TAFA2: variants seen among roughly 807,000 people sequenced by gnomAD.
TAFA2 encodes the protein chemokine-like protein TAFA-2.
In TAFA2, 7 loss-of-function variants were observed where a neutral mutation model predicts 18.8. The observed-to-expected ratio is 0.37, with a 90% confidence interval of 0.21 to 0.70. The LOEUF is 0.70. TAFA2 is among the 30% of genes least tolerant of loss of function. TAFA2 has a pLI of 0.53. For synonymous variants in TAFA2, 60 were observed against 54.2 expected (o/e 1.11, Z -0.47); for missense variants, 122 against 158.1 (o/e 0.77, Z 1.23).
At chr12:62,215,108 A>G (rs948904155) in intron 1 of TAFA2, among the ~76,000 whole-genome samples, 8 of 152,228 alleles carry the variant, frequency 5.3e-5, no homozygotes, top group Admixed American at 3.3e-4. Flanking sequence ...CTTTTGCACA[A>G]GCTATCTCTG....
intron 1 of TAFA2, among the ~76,000 whole-genome samples, chr12:61,940,146 T>C (rs867181290): frequency 6.6e-6 from 1 of 152,174 alleles, no homozygotes; most frequent in African/African-American, 2.4e-5. Flanking sequence ...TATGGGAAGA[T>C]AGATAATAAA....
At position 62,127,356 on chromosome 12, in the gene TAFA2, C is replaced by A. The variant is rs539125816; in HGVS notation, c.-2+63903G>T. Reference sequence around the variant, plus strand: ...CCTAAGTCTTTCCTTTCTCCATTGGCAGGTATAATAAACCTTTATTTTTTG... The same window carrying A: ...CCTAAGTCTTTCCTTTCTCCATTGGAAGGTATAATAAACCTTTATTTTTTG... On this transcript the variant is annotated intron_variant, in intron 1 of 4. Transcript: ENST00000416284. Among the ~76,000 whole-genome samples the A allele has an allele frequency of 7.2e-5, 11 of 152,092 alleles. No individual in the cohort carries two copies. In the South Asian group the frequency reaches 2.3e-3, roughly 32 times the overall value.
intron 1 of TAFA2, among the ~76,000 whole-genome samples, chr12:62,174,643 A>C (rs958859768): frequency 3.3e-5 from 5 of 152,150 alleles, no homozygotes; most frequent in Non-Finnish European, 7.3e-5. Flanking sequence ...GGTCCATCTA[A>C]AATTTGAATG....
At chr12:62,029,030 A>G (rs1375254999) in intron 1 of TAFA2, among the ~76,000 whole-genome samples, 1 of 152,210 alleles carries the variant, frequency 6.6e-6, no homozygotes, top group Non-Finnish European at 1.5e-5. Flanking sequence ...TAGAAAATTT[A>G]TAAAGAGATT....
intron 1 of TAFA2, among the ~76,000 whole-genome samples, chr12:61,921,432 G>T (rs1391100299): frequency 6.6e-6 from 1 of 152,150 alleles, no homozygotes; most frequent in African/African-American, 2.4e-5. Flanking sequence ...ATTCAAGGAG[G>T]ACCTTAAAAT....
intron 2 of TAFA2, among the ~76,000 whole-genome samples, chr12:61,781,494 G>A (rs528313141): frequency 8.6e-5 from 13 of 151,776 alleles, no homozygotes; most frequent in East Asian, 3.9e-4. Flanking sequence ...GCATATCACC[G>A]TACTTGAAAT....
chr12:61,991,147 A>G (rs115652513), intron 1 of TAFA2, among the ~76,000 whole-genome samples: 1,760 of 152,306 alleles, frequency 0.012, 31 homozygotes, highest in African/African-American at 0.04. Context: ...GCTGTTGCCT[A>G]GGAAAAGTTG....
intron 1 of TAFA2, among the ~76,000 whole-genome samples, chr12:61,883,533 G>A (rs990355834): frequency 2.6e-5 from 4 of 152,186 alleles, no homozygotes; most frequent in Non-Finnish European, 5.9e-5. Flanking sequence ...GCAAGCCCCA[G>A]TTTCTTGCTT....
At chr12:61,780,484 A>C (rs1870457933) in intron 2 of TAFA2, among the ~76,000 whole-genome samples, 1 of 151,814 alleles carries the variant, frequency 6.6e-6, no homozygotes, top group Admixed American at 6.6e-5. Context: ...GAAAACTTGT[A>C]AATTCTTTAT....
In TAFA2 at chr12:61,753,873, C is replaced by T. The variant is rs1869138345; in HGVS notation, c.260-127G>A. 9 of 666,664 alleles carry T rather than the reference C, an allele frequency of 1.4e-5. No individual in the cohort carries two copies. The South Asian group carries it at 3.1e-4, about 23-fold the overall frequency. 41.3% of individuals were successfully genotyped at this position (666,664 alleles called of 1,614,324 possible). On this transcript the variant is annotated intron_variant, in intron 3 of 4. Transcript: ENST00000416284. Reference sequence around the variant, plus strand: ...TGGGAATACAGGTATTTGAGGTATGCCTTTCTTTTTGTTCAAAAGGACAAA... The same window carrying T: ...TGGGAATACAGGTATTTGAGGTATGTCTTTCTTTTTGTTCAAAAGGACAAA...
chr12:62,226,194 C>CTT (rs148187631), intron 1 of TAFA2, among the ~76,000 whole-genome samples: 13 of 134,616 alleles, frequency 9.7e-5, no homozygotes, highest in African/African-American at 2.3e-4. Context: ...CTTGATTACT[C>CTT]TTTTTTTTTT....
At chr12:62,154,889 G>A (rs2464113) in intron 1 of TAFA2, among the ~76,000 whole-genome samples, 87,098 of 151,914 alleles carry the variant, frequency 0.57, 25,076 homozygotes, top group Non-Finnish European at 0.6. Context: ...GGTGAAATAG[G>A]ACAAGGTGCC....
intron 1 of TAFA2, among the ~76,000 whole-genome samples, chr12:61,890,778 A>T (rs1225441408): frequency 6.6e-6 from 1 of 152,184 alleles, no homozygotes; most frequent in Non-Finnish European, 1.5e-5. Flanking sequence ...CCCCGGGGAC[A>T]GAGTCACCTC....
At chr12:61,908,688 A>G (rs1876471965) in intron 1 of TAFA2, among the ~76,000 whole-genome samples, 1 of 152,204 alleles carries the variant, frequency 6.6e-6, no homozygotes, top group Admixed American at 6.5e-5. Flanking sequence ...GACACCCAAA[A>G]TATAATACCA....
At chr12:61,963,732 A>G (rs1354410645) in intron 1 of TAFA2, among the ~76,000 whole-genome samples, 1 of 152,012 alleles carries the variant, frequency 6.6e-6, no homozygotes, top group African/African-American at 2.4e-5. Context: ...AAACTACTTT[A>G]TATTTCATAT....
At chr12:62,257,172 G>A (rs11174400) in intron 1 of TAFA2, among the ~76,000 whole-genome samples, 154 of 3,508 alleles carry the variant, frequency 0.044, 4 homozygotes, top group Middle Eastern at 0.5. Context: ...ATGTGTGTGT[G>A]TGTGTGTGTG....
intron 1 of TAFA2, among the ~76,000 whole-genome samples, chr12:62,066,316 G>A (rs1210954739): frequency 2.0e-5 from 3 of 151,710 alleles, no homozygotes; most frequent in African/African-American, 7.3e-5. Context: ...TTATTCTTAA[G>A]TGTCCTTTTA....
chr12:61,971,260 G>A (rs1287021549), intron 1 of TAFA2, among the ~76,000 whole-genome samples: 1 of 151,576 alleles, frequency 6.6e-6, no homozygotes, highest in Non-Finnish European at 1.5e-5. Context: ...AGAGACAGTG[G>A]TAAATTATAC....
At chr12:61,858,936 A>G (rs1253041883) in intron 2 of TAFA2, among the ~76,000 whole-genome samples, 2 of 152,266 alleles carry the variant, frequency 1.3e-5, no homozygotes, top group African/African-American at 4.8e-5. Flanking sequence ...CTATATCACA[A>G]TATGGATGAA....
Sources: gnomAD v4.1 joint callset for allele counts (sites outside exome capture counted in the v4.1 genomes callset) on GRCh38, gnomAD v4.1.1 for gene constraint, MANE v1.5 for transcripts, NCBI Gene and HGNC (gene_info 2026-07-23, HGNC 2026-07-21) for gene names.